Variants in IFIT1 observed in about 807,000 individuals in gnomAD.
IFIT1 encodes interferon induced protein with tetratricopeptide repeats 1, also known as antiviral innate immune response effector IFIT1.
In IFIT1, 1 loss-of-function variant was observed where a neutral mutation model predicts 2.5. That is an observed-to-expected ratio of 0.40 (90% CI 0.14 to 1.92). IFIT1 has a LOEUF of 1.92. Ranked by LOEUF, IFIT1 falls within the 40% of genes most tolerant of loss-of-function variation. The probability of loss-of-function intolerance (pLI) is 0.31; values close to 1 mark genes in which losing one functional copy is unlikely to be tolerated. For synonymous variants in IFIT1, 191 were observed against 201.7 expected (o/e 0.95, Z 0.45); for missense variants, 508 against 557.8 (o/e 0.91, Z 0.90).
chr10:89,398,101 A>C lies in IFIT1; in HGVS notation c.6-4180A>C, dbSNP rs190633461. Among the ~76,000 whole-genome samples, 5 of 152,314 alleles carry C rather than the reference A, an allele frequency of 3.3e-5. No homozygotes were observed. In the East Asian group the frequency reaches 9.6e-4, roughly 29 times the overall value. On this transcript the variant is annotated intron_variant, in intron 1 of 1. Coordinates refer to ENST00000371804, the MANE Select transcript of IFIT1 (RefSeq NM_001548.5). ...CCCTCCTCCCCCAGTGTGGAGGATC[A>C]GTCAGAGTGACGGGAAAAACTATAG... is the stretch of plus-strand genomic sequence containing the variant.
chr10:89,403,988 A>T lies in IFIT1; in HGVS notation c.*276A>T. 1 of 298,594 alleles carries T rather than the reference A, an allele frequency of 3.3e-6. No homozygotes were observed. The highest frequency in any genetic ancestry group is 6.1e-6 in the Non-Finnish European group (1 of 164,278). 18.5% of individuals were successfully genotyped at this position (298,594 alleles called of 1,614,324 possible). ...AAATAAAACATTGGACTTACACTAA[A>T]TGTTTAATTCATTCATTTTATTGTG... On this transcript the variant is annotated 3_prime_UTR_variant, in exon 2 of 2. Coordinates refer to ENST00000371804, the MANE Select transcript of IFIT1 (RefSeq NM_001548.5).
Position 89,404,968 on chromosome 10 carries a change from A to T in IFIT1, c.*1256A>T, listed in dbSNP as rs887611228. Reference sequence around the variant, plus strand: ...GAACGAGACCCCATCTCAAAAAAAAAAAAAGTTCTCTCCAATTGTATATAG... The same window carrying T: ...GAACGAGACCCCATCTCAAAAAAAATAAAAGTTCTCTCCAATTGTATATAG... On this transcript the variant is annotated 3_prime_UTR_variant, in exon 2 of 2. Transcript: ENST00000371804. 1.3e-5 allele frequency: 2 copies of T among 152,190 alleles called. No homozygotes were observed. Among genetic ancestry groups the T allele is most frequent in the Non-Finnish European group, 2.9e-5 (2 of 68,044 alleles). 9.4% of individuals were successfully genotyped at this position (152,190 alleles called of 1,614,324 possible).
chr10:89,394,626 AT>A (rs1844313821), intron 1 of IFIT1, among the ~76,000 whole-genome samples: 1 of 25,970 alleles, frequency 3.9e-5, no homozygotes, highest in Non-Finnish European at 6.0e-5. Flanking sequence ...ATATATATAT[AT>A]AAAACTTGAA....
intron 1 of IFIT1, among the ~76,000 whole-genome samples, chr10:89,394,803 A>G (rs1303879567): frequency 6.6e-6 from 1 of 151,856 alleles, no homozygotes; most frequent in Non-Finnish European, 1.5e-5. Flanking sequence ...TTTTCTCGCT[A>G]TGTGGAGAAA....
At chr10:89,398,852 T>C (rs2133623197) in intron 1 of IFIT1, among the ~76,000 whole-genome samples, 1 of 152,352 alleles carries the variant, frequency 6.6e-6, no homozygotes, top group African/African-American at 2.4e-5. Flanking sequence ...ATAAATAATC[T>C]GCTTGAGTCT....
chr10:89,403,426 A>G lies in IFIT1; in HGVS notation c.1151A>G (p.Tyr384Cys). 6.2e-7 allele frequency: 1 copy of G among 1,613,946 alleles called. No homozygotes were observed. The highest frequency in any genetic ancestry group is 8.5e-7 in the Non-Finnish European group (1 of 1,179,944). Residue 384 changes from tyrosine to cysteine, a missense_variant, in exon 2 of 2, where the codon TAT becomes TGT. Physicochemically the swap from Tyr to Cys is radical, Grantham distance 194. Coordinates refer to ENST00000371804, the MANE Select transcript of IFIT1 (RefSeq NM_001548.5). ...ACAATGCAAGACATACATTTCCACTATGGTCGGTTTCAGGAATTTCAAAAG... is the reference window on the plus strand; with the variant it reads ...ACAATGCAAGACATACATTTCCACTGTGGTCGGTTTCAGGAATTTCAAAAG... ...EETMQDIHFH[Y>C]GRFQEFQKKS...
intron 1 of IFIT1, among the ~76,000 whole-genome samples, chr10:89,401,119 C>CTTT (rs34774861): frequency 7.1e-6 from 1 of 139,936 alleles, no homozygotes; most frequent in Admixed American, 7.2e-5. Flanking sequence ...ATTTAGATGA[C>CTTT]TTTTTTTTTT....
intron 1 of IFIT1, among the ~76,000 whole-genome samples, chr10:89,401,729 T>C (rs982332783): frequency 1.3e-4 from 19 of 151,882 alleles, no homozygotes; most frequent in African/African-American, 4.4e-4. Flanking sequence ...ATACACTGGA[T>C]CTCTGTACTG....
In IFIT1 at chr10:89,405,030, T is replaced by C. The variant is rs1844507923; in HGVS notation, c.*1318T>C. 1 of 152,206 alleles carries C rather than the reference T, an allele frequency of 6.6e-6. No individual in the cohort carries two copies. The highest frequency in any genetic ancestry group is 2.4e-5 in the African/African-American group (1 of 41,458). The allele number at this position is 152,206 out of a possible 1,614,324, so 9.4% of individuals were successfully genotyped here. On this transcript the variant is annotated 3_prime_UTR_variant, in exon 2 of 2. Coordinates refer to ENST00000371804, the MANE Select transcript of IFIT1 (RefSeq NM_001548.5). Reference sequence around the variant, plus strand: ...ATGTCAACACTATCAATAAATAGCTTTCAGTGCAAGAAACCAAAAATACTG... The same window carrying C: ...ATGTCAACACTATCAATAAATAGCTCTCAGTGCAAGAAACCAAAAATACTG...
At chr10:89,402,253 CAAAG>C (rs1182107576) in intron 1 of IFIT1, 24 bp from the exon 2 acceptor site, 3 of 1,478,000 alleles carry the variant, frequency 2.0e-6, no homozygotes, top group Non-Finnish European at 2.8e-6. Flanking sequence ...CCTCACCTAA[CAAAG>C]AAAATCTGTT....
rs936806253 is a variant in IFIT1, at chr10:89,404,940, A to G, written c.*1228A>G. ...TTGCCACTGCACTCCATTCTGGATG[A>G]TAGAACGAGACCCCATCTCAAAAAA... is the stretch of plus-strand genomic sequence containing the variant. On this transcript the variant is annotated 3_prime_UTR_variant, in exon 2 of 2. Transcript: ENST00000371804. 3 of 151,654 alleles carry G rather than the reference A, an allele frequency of 2.0e-5. No homozygotes were observed. The highest frequency in any genetic ancestry group is 7.3e-5 in the African/African-American group (3 of 40,994). 9.4% of individuals were successfully genotyped at this position (151,654 alleles called of 1,614,324 possible).
Position 89,403,290 on chromosome 10 carries a change from T to C in IFIT1, c.1015T>C (p.Phe339Leu). Residue 339 changes from phenylalanine to leucine, a missense_variant, in exon 2 of 2, where the codon TTT (phenylalanine) becomes CTT (leucine). Coordinates refer to ENST00000371804, the MANE Select transcript of IFIT1 (RefSeq NM_001548.5). The stretch of plus-strand genomic sequence containing the variant: ...ATCTGCAGTGGAAAAAAAGCCCACA[T>C]TTGAGGTGGCTCATCTAGACCTGGC... ...FESAVEKKPT[F>L]EVAHLDLARM... 6.2e-7 allele frequency: 1 copy of C among 1,614,126 alleles called. No homozygotes were observed. Among genetic ancestry groups the C allele is most frequent in the Non-Finnish European group, 8.5e-7 (1 of 1,180,018 alleles).
Position 89,402,901 on chromosome 10 carries a change from C to T in IFIT1, c.626C>T (p.Ala209Val), listed in dbSNP as rs759318797. 6.2e-7 allele frequency: 1 copy of T among 1,614,212 alleles called. No individual in the cohort carries two copies. Among genetic ancestry groups the T allele is most frequent in the Non-Finnish European group, 8.5e-7 (1 of 1,180,046 alleles). Residue 209 changes from alanine (A) to valine (V), a missense_variant, in exon 2 of 2, where the codon GCT becomes GTT. Coordinates refer to ENST00000371804, the MANE Select transcript of IFIT1 (RefSeq NM_001548.5). ...KPFSLLPLRQ[A>V]VRLNPDNGYI... ...TTTTCTTTGCTTCCCCTAAGGCAGGCTGTCCGCTTAAATCCAGACAATGGA... is the reference window on the plus strand; with the variant it reads ...TTTTCTTTGCTTCCCCTAAGGCAGGTTGTCCGCTTAAATCCAGACAATGGA...
At chr10:89,395,939 A>G (rs1455808615) in intron 1 of IFIT1, among the ~76,000 whole-genome samples, 1 of 152,198 alleles carries the variant, frequency 6.6e-6, no homozygotes, top group Non-Finnish European at 1.5e-5. Flanking sequence ...TGGCTACATA[A>G]TATTCCACTT....
chr10:89,399,480 T>C (rs1300658972), intron 1 of IFIT1, among the ~76,000 whole-genome samples: 6 of 152,182 alleles, frequency 3.9e-5, no homozygotes, highest in Non-Finnish European at 4.4e-5. Context: ...AGCTTTTTCC[T>C]TTCTTCTGAG....
intron 1 of IFIT1, among the ~76,000 whole-genome samples, chr10:89,400,823 A>G (rs1164994256): frequency 6.6e-6 from 1 of 152,198 alleles, no homozygotes; most frequent in African/African-American, 2.4e-5. Context: ...TGAAAGGAGC[A>G]TCTTACCTCA....
At chr10:89,397,923 A>G (rs1004548199) in intron 1 of IFIT1, among the ~76,000 whole-genome samples, 58 of 152,232 alleles carry the variant, frequency 3.8e-4, no homozygotes, top group Non-Finnish European at 8.5e-4. Flanking sequence ...CATATATAAC[A>G]TAAAATCCAC....
Position 89,403,630 on chromosome 10 carries a change from A to G in IFIT1, c.1355A>G (p.Asn452Ser), listed in dbSNP as rs377321153. 10 of 1,614,010 alleles carry G rather than the reference A, an allele frequency of 6.2e-6. No homozygotes were observed. Among genetic ancestry groups the G allele is most frequent in the Middle Eastern group, 1.6e-4 (1 of 6,084 alleles). Residue 452 changes from asparagine to serine, a missense_variant, in exon 2 of 2, where the codon AAT becomes AGT. Coordinates refer to ENST00000371804, the MANE Select transcript of IFIT1 (RefSeq NM_001548.5). ...GGGTTCGTCTACAAATTGGAAGGAAATATGAATGAAGCCCTGGAGTACTAT... is the reference window on the plus strand; with the variant it reads ...GGGTTCGTCTACAAATTGGAAGGAAGTATGAATGAAGCCCTGGAGTACTAT... ...LLGFVYKLEG[N>S]MNEALEYYER...
Position 89,403,510 on chromosome 10 carries a change from C to G in IFIT1, c.1235C>G (p.Ser412Ter). The G allele has an allele frequency of 1.2e-6, 2 of 1,612,864 alleles. No homozygotes were observed. Among genetic ancestry groups the G allele is most frequent in the Non-Finnish European group, 1.7e-6 (2 of 1,179,492 alleles). The change falls in exon 2 of 2, where the codon TCA becomes TGA. Residue 412 changes from serine (S) to a stop codon, truncating the protein, a stop_gained. Coordinates refer to ENST00000371804, the MANE Select transcript of IFIT1 (RefSeq NM_001548.5). LOFTEE classifies it low-confidence loss of function (END_TRUNC). ...AAAGCTATAAAAATAGAACAGGCAT[C>G]ATTAACAAGGGATAAAAGTATCAAT... The part of the protein sequence containing the change: ...YLKAIKIEQA[S>*]LTRDKSINSL...
Sources: allele counts gnomAD v4.1 joint callset (sites outside exome capture counted in the v4.1 genomes callset), GRCh38; gene constraint gnomAD v4.1.1; transcripts MANE v1.5; gene names NCBI Gene and HGNC (gene_info 2026-07-23, HGNC 2026-07-21).